The following TTI1 variants were observed in gnomAD, a reference collection of about 807,000 sequenced individuals.
The protein encoded by TTI1 is TELO2-interacting protein 1 homolog.
In TTI1, 52 loss-of-function variants were observed where a neutral mutation model predicts 85.4. The ratio of observed to expected loss-of-function variants is 0.61; its 90% CI spans 0.49 to 0.77. TTI1 has a LOEUF of 0.77. Ranked by LOEUF, TTI1 falls within the 30% of genes least tolerant of loss-of-function variation. The pLI is 0.00. For synonymous variants in TTI1, 512 were observed against 503.9 expected (o/e 1.02, Z -0.22); for missense variants, 1,173 against 1,296.0 (o/e 0.91, Z 1.46).
rs751803184 is a variant in TTI1 at position 38,011,535 on chromosome 20, T to C, written c.2282A>G (p.His761Arg). The C allele has an allele frequency of 5.0e-6, 8 of 1,614,160 alleles. No individual in the cohort carries two copies. The highest frequency in any genetic ancestry group is 6.8e-6 in the Non-Finnish European group (8 of 1,179,998). ...KRAASFVSVL[H>R]ALMAALAQWF... ...TGTACCTAATGCTGCCATCAGAGCA[T>C]GCAGAACGCTGACAAAGGAAGCAGC... The change falls in exon 2 of 8, where the codon CAT (histidine) becomes CGT (arginine). Residue 761 changes from histidine to arginine, a missense_variant. Transcript: ENST00000373447.
intron 7 of TTI1, among the ~76,000 whole-genome samples, chr20:37,986,575 C>T (rs1223171261): frequency 1.3e-5 from 2 of 152,204 alleles, no homozygotes; most frequent in Non-Finnish European, 2.9e-5. Flanking sequence ...GTTCCTTCTC[C>T]CACCTCTGTG....
At chr20:38,008,112 G>C (rs2073528721) in intron 2 of TTI1, among the ~76,000 whole-genome samples, 1 of 152,166 alleles carries the variant, frequency 6.6e-6, no homozygotes, top group South Asian at 2.1e-4. Context: ...GATTAGCAAA[G>C]ATCAAAAGCT....
At chr20:38,009,014 G>T (rs1201085774) in intron 2 of TTI1, among the ~76,000 whole-genome samples, 1 of 151,772 alleles carries the variant, frequency 6.6e-6, no homozygotes, top group South Asian at 2.1e-4. Flanking sequence ...AAGCTACACA[G>T]GAGTCTTGAC....
Position 38,011,412 on chromosome 20 carries a change from C to T in TTI1, c.2302+103G>A, listed in dbSNP as rs557622032. The T allele has an allele frequency of 3.5e-5, 46 of 1,309,672 alleles. No individual in the cohort carries two copies. The East Asian group carries it at 5.5e-4, about 16-fold the overall frequency. The allele number at this position is 1,309,672 out of a possible 1,614,324, so 81.1% of individuals were successfully genotyped here. A position where few individuals can be genotyped will look rare whatever the true frequency, so the allele number is the denominator to read the frequency against. On this transcript the variant is annotated intron_variant, in intron 2 of 7. Coordinates refer to ENST00000373447, the MANE Select transcript of TTI1 (RefSeq NM_001303457.2). ...CTGGAGAGAAAATGATTAAAACGTC[C>T]TCCATAGCATCACCACAAACAATGC... is the stretch of plus-strand genomic sequence containing the variant.
intron 3 of TTI1, among the ~76,000 whole-genome samples, chr20:38,004,164 C>T (rs536201620): frequency 2.0e-5 from 3 of 152,326 alleles, no homozygotes; most frequent in Admixed American, 2.0e-4. Flanking sequence ...ATCATTCTCA[C>T]TGTCTAGAGT....
intron 3 of TTI1, among the ~76,000 whole-genome samples, chr20:38,004,330 C>T (rs957530324): frequency 8.5e-5 from 13 of 152,206 alleles, no homozygotes; most frequent in African/African-American, 3.1e-4. Flanking sequence ...ACCAGCTGTG[C>T]TCATTTCCAC....
chr20:38,020,323 A>AAAAATATAT lies in TTI1; in HGVS notation c.-41-6467_-41-6466insATATATTTT. The stretch of plus-strand genomic sequence containing the variant: ...GGCTACTCATATGAAAAAAAAAAAA[A>AAAAATATAT]ATATATATATATATATATATATATA... On this transcript the variant is annotated intron_variant, in intron 1 of 7. Transcript: ENST00000373447. Among the ~76,000 whole-genome samples the AAAAATATAT allele has an allele frequency of 9.0e-3, 455 of 50,310 alleles. 4 individuals carry two copies. The highest frequency in any genetic ancestry group is 0.026 in the Middle Eastern group (2 of 78). The allele number at this position is 50,310 out of a possible 152,430, so 33.0% of individuals were successfully genotyped here.
At position 38,021,238 on chromosome 20, in the gene TTI1, AGCATAACACATTGCTACTTTG is replaced by A. The variant is rs554014143; in HGVS notation, c.-41-7402_-41-7382del. On this transcript the variant is annotated intron_variant, in intron 1 of 7. Transcript: ENST00000373447. ...TAAACCAGCTTTCTCTAAGGAAGACAGCATAACACATTGCTACTTTGGCATAACACATTGCTACTTTGACAT... is the reference window on the plus strand; with the variant it reads ...TAAACCAGCTTTCTCTAAGGAAGACAGCATAACACATTGCTACTTTGACAT... 8.9e-4 allele frequency among the ~76,000 whole-genome samples: 135 copies of A among 152,388 alleles called. 1 individual carries two copies. The East Asian group carries it at 0.014, about 16-fold the overall frequency.
In TTI1 at chr20:38,001,269, T is replaced by A. The variant is rs538727284; in HGVS notation, c.2652+1359A>T. 1.4e-4 allele frequency among the ~76,000 whole-genome samples: 21 copies of A among 152,316 alleles called. 1 individual carries two copies. In the South Asian group the frequency reaches 3.7e-3, roughly 27 times the overall value. On this transcript the variant is annotated intron_variant, in intron 4 of 7. Coordinates refer to ENST00000373447, the MANE Select transcript of TTI1 (RefSeq NM_001303457.2). ...CAACAACCCTGTGAGGTAGGTACCA[T>A]CATCTTCATTTTACTGATGAAGATG...
At chr20:38,020,109 T>A (rs1203339815) in intron 1 of TTI1, among the ~76,000 whole-genome samples, 1 of 151,864 alleles carries the variant, frequency 6.6e-6, no homozygotes, top group Non-Finnish European at 1.5e-5. Context: ...CTAACTGATT[T>A]CAAGGTTTAC....
chr20:38,008,976 T>C (rs1304950274), intron 2 of TTI1, among the ~76,000 whole-genome samples: 4 of 150,804 alleles, frequency 2.7e-5, no homozygotes, highest in African/African-American at 9.9e-5. Flanking sequence ...TCCCTCCACC[T>C]CATTTTTTTT....
At chr20:38,008,928 T>C (rs1191932598) in intron 2 of TTI1, among the ~76,000 whole-genome samples, 2 of 152,092 alleles carry the variant, frequency 1.3e-5, no homozygotes, top group Non-Finnish European at 1.5e-5. Flanking sequence ...AGAGTCAGTC[T>C]TAACCATTCA....
intron 1 of TTI1, among the ~76,000 whole-genome samples, chr20:38,027,184 G>A (rs2073847284): frequency 6.6e-6 from 1 of 152,078 alleles, no homozygotes; most frequent in Non-Finnish European, 1.5e-5. Context: ...AGACTTCCAT[G>A]GATACCAAAA....
intron 7 of TTI1, among the ~76,000 whole-genome samples, chr20:37,984,348 A>G (rs1458379491): frequency 6.6e-6 from 1 of 152,200 alleles, no homozygotes; most frequent in African/African-American, 2.4e-5. Context: ...CCTCTGACGC[A>G]TGACAGGGAC....
In TTI1 at chr20:37,999,333, A is replaced by T; in HGVS notation, c.2653-5T>A. 7.1e-7 allele frequency: 1 copy of T among 1,404,312 alleles called. No individual in the cohort carries two copies. The highest frequency in any genetic ancestry group is 9.3e-7 in the Non-Finnish European group (1 of 1,069,882). 87.0% of individuals were successfully genotyped at this position (1,404,312 alleles called of 1,614,324 possible). ...CAGATCCAGCACATCCAAGACCTGA[A>T]AGAGACACGATTTCAGCAGATGGTA... is the stretch of plus-strand genomic sequence containing the variant. On this transcript the variant is annotated splice_region_variant and splice_polypyrimidine_tract_variant and intron_variant, in intron 4 of 7. Transcript: ENST00000373447.
In TTI1 at chr20:38,013,818, G is replaced by A. The variant is rs2073641640; in HGVS notation, c.-2C>T. On this transcript the variant is annotated 5_prime_UTR_variant, in exon 2 of 8. Transcript: ENST00000373447. Reference sequence around the variant, plus strand: ...CTCAGGAGTATCAAAAACTGCCATTGTGCAGCAGCCTTCCCCTCATTGAGG... The same window carrying A: ...CTCAGGAGTATCAAAAACTGCCATTATGCAGCAGCCTTCCCCTCATTGAGG... 2.5e-6 allele frequency: 4 copies of A among 1,607,106 alleles called. No individual in the cohort carries two copies. The highest frequency in any genetic ancestry group is 3.4e-6 in the Non-Finnish European group (4 of 1,176,680).
chr20:38,001,187 C>A (rs1008853125), intron 4 of TTI1, among the ~76,000 whole-genome samples: 2 of 152,152 alleles, frequency 1.3e-5, no homozygotes, highest in African/African-American at 4.8e-5. Context: ...CCTCAATAAG[C>A]ATTTAGCACA....
intron 7 of TTI1, among the ~76,000 whole-genome samples, chr20:37,990,253 G>C (rs1011026115): frequency 1.3e-5 from 2 of 152,074 alleles, no homozygotes; most frequent in African/African-American, 4.8e-5. Flanking sequence ...GATGTTCCAA[G>C]TCATTTTCGG....
At chr20:38,009,323 C>T (rs1285369842) in intron 2 of TTI1, among the ~76,000 whole-genome samples, 1 of 152,146 alleles carries the variant, frequency 6.6e-6, no homozygotes, top group African/African-American at 2.4e-5. Context: ...GCCCACTACA[C>T]AGGCTTCCAA....
Sources: allele counts gnomAD v4.1 joint callset (sites outside exome capture counted in the v4.1 genomes callset), GRCh38; gene constraint gnomAD v4.1.1; transcripts MANE v1.5; gene names NCBI Gene and HGNC (gene_info 2026-07-23, HGNC 2026-07-21).